PTPRN2: variants seen among roughly 807,000 people sequenced by gnomAD.
PTPRN2 encodes protein tyrosine phosphatase receptor type N2.
PTPRN2 carries 74 observed loss-of-function variants against 118.8 expected under a neutral mutation model. The ratio of observed to expected loss-of-function variants is 0.62; its 90% CI spans 0.52 to 0.76. PTPRN2 has a LOEUF of 0.76. Among genes scored for constraint, PTPRN2 ranks in the 30% least tolerant of loss-of-function variants. The pLI, the probability that PTPRN2 is intolerant of heterozygous loss-of-function variation, is 0.00. For missense variants in PTPRN2, 1,481 were observed against 1,394.4 expected, an observed-to-expected ratio of 1.06 and a Z score of -0.99; for synonymous variants, 641 against 608.0, an observed-to-expected ratio of 1.05 and a Z score of -0.80.
At chr7:158,455,113 C>G (rs1322155552) in intron 2 of PTPRN2, among the ~76,000 whole-genome samples, 1 of 152,276 alleles carries the variant, frequency 6.6e-6, no homozygotes, top group Non-Finnish European at 1.5e-5. Context: ...AAACACCACA[C>G]CTCCAGGCAG....
intron 5 of PTPRN2, among the ~76,000 whole-genome samples, chr7:158,179,288 C>T (rs1436933858): frequency 2.0e-5 from 3 of 151,886 alleles, no homozygotes; most frequent in Non-Finnish European, 2.9e-5. Flanking sequence ...TATGTTGTTG[C>T]CCATTTGAAT....
At chr7:158,193,953 G>T (rs1024995288) in intron 4 of PTPRN2, among the ~76,000 whole-genome samples, 1 of 151,500 alleles carries the variant, frequency 6.6e-6, no homozygotes, top group Non-Finnish European at 1.5e-5. Flanking sequence ...CGGCATGGGG[G>T]CTCGCAGCTA....
At position 157,598,382 on chromosome 7, in the gene PTPRN2, G is replaced by T. The variant is rs537536249; in HGVS notation, c.2419-3067C>A. Among the ~76,000 whole-genome samples the T allele has an allele frequency of 6.6e-6, 1 of 151,076 alleles. No individual in the cohort carries two copies. Among genetic ancestry groups the T allele is most frequent in the Non-Finnish European group, 1.5e-5 (1 of 67,820 alleles). ...GTCATATCTCCAGGCCTCAGTCTCC[G>T]TATCTGTATGGTGGGTGAGCTCAGG... On this transcript the variant is annotated intron_variant, in intron 16 of 22. Coordinates refer to ENST00000389418, the MANE Select transcript of PTPRN2 (RefSeq NM_002847.5). The surrounding 1 kb of genome is among the most constrained non-coding windows in gnomAD (Gnocchi z 5.2).
chr7:157,615,500 G>T lies in PTPRN2; in HGVS notation c.2344+5862C>A, dbSNP rs1330562071. 5 of 471,098 alleles carry T rather than the reference G, an allele frequency of 1.1e-5. No individual in the cohort carries two copies. Among genetic ancestry groups the T allele is most frequent in the Non-Finnish European group, 1.8e-5 (4 of 227,070 alleles). The allele number at this position is 471,098 out of a possible 1,614,324, so 29.2% of individuals were successfully genotyped here. Reference sequence around the variant, plus strand: ...GATGAGCCTTTGCCAATATGCTCGGGACCTGGGGACGGCTGGGGTGACCCC... The same window carrying T: ...GATGAGCCTTTGCCAATATGCTCGGTACCTGGGGACGGCTGGGGTGACCCC... On this transcript the variant is annotated intron_variant, in intron 15 of 22. Coordinates refer to ENST00000389418, the MANE Select transcript of PTPRN2 (RefSeq NM_002847.5). The surrounding 1 kb of genome is among the most constrained non-coding windows in gnomAD (Gnocchi z 4.3).
At position 157,619,936 on chromosome 7, in the gene PTPRN2, C is replaced by T. The variant is rs140087784; in HGVS notation, c.2344+1426G>A. Among the ~76,000 whole-genome samples, 15 of 152,322 alleles carry T rather than the reference C, an allele frequency of 9.8e-5. No individual in the cohort carries two copies. Among genetic ancestry groups the T allele is most frequent in the East Asian group, 1.9e-4 (1 of 5,188 alleles). On this transcript the variant is annotated intron_variant, in intron 15 of 22. Coordinates refer to ENST00000389418, the MANE Select transcript of PTPRN2 (RefSeq NM_002847.5). The surrounding 1 kb of genome is among the most constrained non-coding windows in gnomAD (Gnocchi z 5.3). Reference sequence around the variant, plus strand: ...GGACACAGTGACGGAGAGACGGCCTCGGCCACAGGGGACACTGGTCCCGCC... The same window carrying T: ...GGACACAGTGACGGAGAGACGGCCTTGGCCACAGGGGACACTGGTCCCGCC...
chr7:158,288,752 CTTATTT>C (rs1284421692), intron 3 of PTPRN2, among the ~76,000 whole-genome samples: 4 of 152,166 alleles, frequency 2.6e-5, no homozygotes, highest in Non-Finnish European at 5.9e-5. Context: ...TGACTGTATA[CTTATTT>C]TTATCAGTGA....
At chr7:158,169,998 T>A (rs896091097) in intron 5 of PTPRN2, among the ~76,000 whole-genome samples, 2 of 152,184 alleles carry the variant, frequency 1.3e-5, no homozygotes, top group African/African-American at 4.8e-5. Flanking sequence ...AGCCATTATC[T>A]CTAAGATATT....
intron 12 of PTPRN2, among the ~76,000 whole-genome samples, chr7:157,870,044 G>A (rs995405674): frequency 6.6e-6 from 1 of 152,146 alleles, no homozygotes; most frequent in African/African-American, 2.4e-5. Context: ...TTCCTCTCCT[G>A]TTGCAATTCT....
intron 2 of PTPRN2, among the ~76,000 whole-genome samples, chr7:158,333,543 C>G (rs1400105859): frequency 4.0e-5 from 6 of 151,246 alleles, no homozygotes; most frequent in South Asian, 2.1e-4. Context: ...TCGCAGACGT[C>G]ACTCACACCC....
chr7:158,304,803 T>C (rs1202988199), intron 3 of PTPRN2, among the ~76,000 whole-genome samples: 1 of 152,170 alleles, frequency 6.6e-6, no homozygotes, highest in Non-Finnish European at 1.5e-5. Flanking sequence ...TCAGAGAGAA[T>C]AGATGGTCAA....
Position 157,845,470 on chromosome 7 carries a change from C to T in PTPRN2, c.1788+53203G>A, listed in dbSNP as rs556792299. ...CCAGTGAACCACACAGCCTAACTCA[C>T]CATGTTCCCGACCACACCCTGGTGA... On this transcript the variant is annotated intron_variant, in intron 12 of 22. Coordinates refer to ENST00000389418, the MANE Select transcript of PTPRN2 (RefSeq NM_002847.5). This position sits in a 1 kb window ranked among gnomAD's most constrained non-coding sequence, Gnocchi z 4.5. Among the ~76,000 whole-genome samples, 23 of 151,964 alleles carry T rather than the reference C, an allele frequency of 1.5e-4. 1 individual carries two copies. The South Asian group carries it at 4.2e-3, about 28-fold the overall frequency.
rs1804177887 is a variant in PTPRN2, at chr7:157,787,945, G to A, written c.1789-105008C>T. Among the ~76,000 whole-genome samples the A allele has an allele frequency of 6.6e-6, 1 of 152,078 alleles. No homozygotes were observed. Among genetic ancestry groups the A allele is most frequent in the Non-Finnish European group, 1.5e-5 (1 of 68,000 alleles). On this transcript the variant is annotated intron_variant, in intron 12 of 22. Transcript: ENST00000389418. The surrounding 1 kb of genome is among the most constrained non-coding windows in gnomAD (Gnocchi z 5.3). ...TGACAGGCCTGGAGGTCTGGACAAT[G>A]GGGAGCCAGCACCGGGTCCCCTGGG...
chr7:158,282,582 G>A (rs1053009441), intron 3 of PTPRN2, among the ~76,000 whole-genome samples: 1 of 152,266 alleles, frequency 6.6e-6, no homozygotes, highest in Non-Finnish European at 1.5e-5. Flanking sequence ...GAAGGAGACA[G>A]CACTGCTGAA....
At chr7:158,012,859 C>A (rs1403810211) in intron 11 of PTPRN2, among the ~76,000 whole-genome samples, 1 of 152,196 alleles carries the variant, frequency 6.6e-6, no homozygotes, top group Non-Finnish European at 1.5e-5. Context: ...CTGGCAAATG[C>A]AGATTTTACT....
chr7:157,618,526 G>A lies in PTPRN2; in HGVS notation c.2344+2836C>T, dbSNP rs1180336660. On this transcript the variant is annotated intron_variant, in intron 15 of 22. Transcript: ENST00000389418. This position sits in a 1 kb window ranked among gnomAD's most constrained non-coding sequence, Gnocchi z 4.2. ...GAGCCACAGGGAAGCCAGTCCTCCT[G>A]GACCGTGTGTGGCTGTTTTGGAGCC... The A allele has an allele frequency of 1.3e-5, 2 of 152,322 alleles. No homozygotes were observed. Among genetic ancestry groups the A allele is most frequent in the Admixed American group, 6.5e-5 (1 of 15,284 alleles). 9.4% of individuals were successfully genotyped at this position (152,322 alleles called of 1,614,324 possible). A position where few individuals can be genotyped will look rare whatever the true frequency, so the allele number is the denominator to read the frequency against.
chr7:158,343,471 C>T (rs73748216), intron 2 of PTPRN2, among the ~76,000 whole-genome samples: 3,103 of 152,250 alleles, frequency 0.02, 101 homozygotes, highest in African/African-American at 0.07. Context: ...AGGAACGTAA[C>T]CTGATGCAGT....
At chr7:158,172,792 T>G (rs1333795750) in intron 5 of PTPRN2, among the ~76,000 whole-genome samples, 1 of 135,790 alleles carries the variant, frequency 7.4e-6, no homozygotes, top group South Asian at 2.7e-4. Flanking sequence ...CCCACCATCA[T>G]CATCTTCACC....
intron 1 of PTPRN2, among the ~76,000 whole-genome samples, chr7:158,521,678 T>C (rs1342798327): frequency 1.1e-5 from 1 of 94,056 alleles, no homozygotes; most frequent in Admixed American, 9.8e-5. Context: ...GGGAGGGAGG[T>C]CCACGTCACA....
chr7:158,327,746 C>G (rs1271197114), intron 2 of PTPRN2, among the ~76,000 whole-genome samples: 3 of 152,206 alleles, frequency 2.0e-5, no homozygotes, highest in Non-Finnish European at 4.4e-5. Flanking sequence ...CCACTGCCCC[C>G]TCCTGGTGGA....
Sources: allele counts gnomAD v4.1 joint callset (sites outside exome capture counted in the v4.1 genomes callset), GRCh38; gene constraint gnomAD v4.1.1; non-coding constraint Gnocchi (gnomAD v3.1); transcripts MANE v1.5; gene names NCBI Gene and HGNC (gene_info 2026-07-23, HGNC 2026-07-21).